Variants in LOXL2 observed in about 807,000 individuals in gnomAD.
LOXL2 encodes lysyl oxidase homolog 2.
Under a neutral mutation model 93.0 loss-of-function variants are expected in LOXL2, and 70 were observed. That is an observed-to-expected ratio of 0.75 (90% CI 0.62 to 0.92). LOXL2 has a LOEUF of 0.92. Among genes scored for constraint, LOXL2 ranks in the 40% least tolerant of loss-of-function variants. The pLI, the probability that LOXL2 is intolerant of heterozygous loss-of-function variation, is 0.00. For synonymous variants in LOXL2, 438 were observed against 413.2 expected, an observed-to-expected ratio of 1.06 and a Z score of -0.73; for missense variants, 973 against 1,054.9, an observed-to-expected ratio of 0.92 and a Z score of 1.08.
chr8:23,342,387 C>T (rs1379833754), intron 3 of LOXL2, among the ~76,000 whole-genome samples: 1 of 152,104 alleles, frequency 6.6e-6, no homozygotes, highest in Non-Finnish European at 1.5e-5. Flanking sequence ...CTGCCTCCGT[C>T]TGTCTGCCAC....
chr8:23,327,932 T>G (rs1182833127), intron 6 of LOXL2, among the ~76,000 whole-genome samples: 1 of 151,700 alleles, frequency 6.6e-6, no homozygotes, highest in Non-Finnish European at 1.5e-5. Flanking sequence ...AGGGAGGGAG[T>G]GTGTGCAGGG....
chr8:23,366,257 T>C (rs1487583987), intron 2 of LOXL2: 1 of 152,234 alleles, frequency 6.6e-6, no homozygotes, highest in Non-Finnish European at 1.5e-5. Context: ...ATCGGACGTT[T>C]GTTTAAAGAA....
In LOXL2 at chr8:23,298,958, G is replaced by A; in HGVS notation, c.2134-11C>T. The A allele has an allele frequency of 6.6e-7, 1 of 1,524,332 alleles. No individual in the cohort carries two copies. Among genetic ancestry groups the A allele is most frequent in the Non-Finnish European group, 9.1e-7 (1 of 1,098,420 alleles). The allele number at this position is 1,524,332 out of a possible 1,614,324, so 94.4% of individuals were successfully genotyped here. On this transcript the variant is annotated splice_polypyrimidine_tract_variant and intron_variant, in intron 12 of 13. Coordinates refer to ENST00000389131, the MANE Select transcript of LOXL2 (RefSeq NM_002318.3). ...GGGGTTAATAACAACCTAGGGAGAAGCAGGGCAGAGGAGGCTGCTTGTTCC... is the reference window on the plus strand; with the variant it reads ...GGGGTTAATAACAACCTAGGGAGAAACAGGGCAGAGGAGGCTGCTTGTTCC...
chr8:23,307,193 T>TA (rs745675635), intron 10 of LOXL2, among the ~76,000 whole-genome samples: 2 of 152,166 alleles, frequency 1.3e-5, no homozygotes, highest in Non-Finnish European at 2.9e-5. Context: ...GGGCCAGCTC[T>TA]CATCAGCTTC....
chr8:23,359,557 A>G (rs1804254882), intron 3 of LOXL2, among the ~76,000 whole-genome samples: 2 of 152,258 alleles, frequency 1.3e-5, no homozygotes, highest in East Asian at 1.9e-4. Flanking sequence ...TCCAGCCCCC[A>G]TTGACAGCCT....
chr8:23,360,046 G>A, intron 3 of LOXL2, 44 bp downstream of exon 3: 1 of 1,561,806 alleles, frequency 6.4e-7, no homozygotes, highest in South Asian at 1.1e-5. Flanking sequence ...CATGGAAGAG[G>A]AAAAATGTTT....
At chr8:23,388,896 T>A (rs949913273) in intron 1 of LOXL2, among the ~76,000 whole-genome samples, 2 of 151,740 alleles carry the variant, frequency 1.3e-5, no homozygotes, top group Non-Finnish European at 2.9e-5. Context: ...GAGGGCTGGG[T>A]TGGAGGGAGA....
At position 23,347,128 on chromosome 8, in the gene LOXL2, G is replaced by A. The variant is rs12545421; in HGVS notation, c.532-5925C>T. ...GAGGTCAGGAGTTCAAGACCAGCCTGGCCAACATGGTGAGACCCTATCTCT... is the reference window on the plus strand; with the variant it reads ...GAGGTCAGGAGTTCAAGACCAGCCTAGCCAACATGGTGAGACCCTATCTCT... On this transcript the variant is annotated intron_variant, in intron 3 of 13. Transcript: ENST00000389131. 0.012 allele frequency among the ~76,000 whole-genome samples: 1,863 copies of A among 151,662 alleles called. 97 individuals are homozygous for A. In the East Asian group the frequency reaches 0.14, roughly 12 times the overall value.
intron 1 of LOXL2, among the ~76,000 whole-genome samples, chr8:23,368,801 C>T (rs1244133670): frequency 2.6e-5 from 4 of 152,160 alleles, no homozygotes; most frequent in African/African-American, 9.7e-5. Flanking sequence ...CCACCCTAGG[C>T]TTGAAGGGAG....
chr8:23,301,884 C>G (rs1473794805), intron 12 of LOXL2, 143 bp downstream of exon 12: 2 of 976,666 alleles, frequency 2.0e-6, no homozygotes, highest in Non-Finnish European at 3.0e-6. Context: ...ACTGATGGAC[C>G]GTGATGGCCT....
chr8:23,320,584 C>T (rs1436775077), intron 7 of LOXL2, among the ~76,000 whole-genome samples: 3 of 152,088 alleles, frequency 2.0e-5, no homozygotes, highest in Admixed American at 6.5e-5. Flanking sequence ...CCTAAATGAC[C>T]GGGTGTGGCC....
At chr8:23,382,645 C>T (rs187483484) in intron 1 of LOXL2, 1 of 152,252 alleles carries the variant, frequency 6.6e-6, no homozygotes, top group East Asian at 1.9e-4. Flanking sequence ...TATAGAACCA[C>T]TGAAGTCCTA....
At chr8:23,353,554 A>G (rs774917522) in intron 3 of LOXL2, among the ~76,000 whole-genome samples, 20 of 152,092 alleles carry the variant, frequency 1.3e-4, no homozygotes, top group Non-Finnish European at 2.4e-4. Context: ...TCAATTCTGG[A>G]GTCCGAAACT....
At chr8:23,329,388 C>A (rs1803637632) in intron 5 of LOXL2, among the ~76,000 whole-genome samples, 1 of 152,228 alleles carries the variant, frequency 6.6e-6, no homozygotes, top group African/African-American at 2.4e-5. Context: ...AGTCTGGAAG[C>A]TTTAATCTCC....
At chr8:23,303,816 T>C (rs1803182109) in intron 10 of LOXL2, among the ~76,000 whole-genome samples, 1 of 152,228 alleles carries the variant, frequency 6.6e-6, no homozygotes. Flanking sequence ...AACTCCGCAT[T>C]TTGACGTCTT....
chr8:23,344,059 C>G (rs1803928535), intron 3 of LOXL2, among the ~76,000 whole-genome samples: 1 of 152,218 alleles, frequency 6.6e-6, no homozygotes. Flanking sequence ...ACCCCCAGCA[C>G]CTGGCCACCA....
intron 10 of LOXL2, among the ~76,000 whole-genome samples, chr8:23,307,922 T>C (rs973328299): frequency 7.9e-6 from 1 of 126,134 alleles, no homozygotes; most frequent in African/African-American, 3.1e-5. Flanking sequence ...CAAAACTGAT[T>C]TGAATGTGAC....
chr8:23,300,790 T>A (rs942047840), intron 12 of LOXL2, among the ~76,000 whole-genome samples: 7 of 152,178 alleles, frequency 4.6e-5, no homozygotes, highest in African/African-American at 1.4e-4. Context: ...TGATAGTAGT[T>A]ATTAAGTGGA....
chr8:23,332,885 C>T lies in LOXL2; in HGVS notation c.966+516G>A, dbSNP rs547919611. ...ACTCATACACACGCACAGACTCATA[C>T]ACACACCCCCATACACATACACCCC... On this transcript the variant is annotated intron_variant, in intron 5 of 13. Coordinates refer to ENST00000389131, the MANE Select transcript of LOXL2 (RefSeq NM_002318.3). Among the ~76,000 whole-genome samples, 3 of 143,898 alleles carry T rather than the reference C, an allele frequency of 2.1e-5. No homozygotes were observed. In the South Asian group the frequency reaches 6.9e-4, roughly 33 times the overall value. 94.4% of individuals were successfully genotyped at this position (143,898 alleles called of 152,430 possible).
Sources: gnomAD v4.1 joint callset for allele counts (sites outside exome capture counted in the v4.1 genomes callset) on GRCh38, gnomAD v4.1.1 for gene constraint, MANE v1.5 for transcripts, NCBI Gene and HGNC (gene_info 2026-07-23, HGNC 2026-07-21) for gene names.